LMNTD1: variants seen among roughly 807,000 people sequenced by gnomAD.
The protein encoded by LMNTD1 is lamin tail domain containing 1.
Under a neutral mutation model 50.9 loss-of-function variants are expected in LMNTD1, and 35 were observed. The observed-to-expected ratio is 0.69, with a 90% CI of 0.53 to 0.91. The LOEUF is 0.91. Among genes scored for constraint, LMNTD1 ranks in the 40% least tolerant of loss-of-function variants. The pLI is 0.00. For synonymous variants in LMNTD1, 153 were observed against 161.9 expected (o/e 0.94, Z 0.42); for missense variants, 470 against 475.5 (o/e 0.99, Z 0.11).
chr12:25,527,992 TTGTAATCCCTGACAGGG>T (rs1307570906), intron 4 of LMNTD1, among the ~76,000 whole-genome samples: 1 of 152,032 alleles, frequency 6.6e-6, no homozygotes, highest in Non-Finnish European at 1.5e-5. Context: ...TTTGATACTT[TTGTAATCCCTGACAGGG>T]TGTTATATGA....
intron 1 of LMNTD1, among the ~76,000 whole-genome samples, chr12:25,585,523 C>T (rs188311302): frequency 2.0e-4 from 30 of 152,304 alleles, no homozygotes; most frequent in Non-Finnish European, 3.5e-4. Flanking sequence ...CACATGTAGG[C>T]TTATGCACAT....
At chr12:25,582,904 G>A (rs1232715276) in intron 1 of LMNTD1, among the ~76,000 whole-genome samples, 2 of 152,142 alleles carry the variant, frequency 1.3e-5, no homozygotes, top group African/African-American at 4.8e-5. Flanking sequence ...CTGGAGTGCA[G>A]TAGCACGATC....
intron 8 of LMNTD1, among the ~76,000 whole-genome samples, chr12:25,511,919 C>G (rs1352627): frequency 3.3e-5 from 5 of 152,180 alleles, no homozygotes; most frequent in South Asian, 4.1e-4. Flanking sequence ...CTTTGCCCCC[C>G]CTCTTTTCAA....
intron 1 of LMNTD1, among the ~76,000 whole-genome samples, chr12:25,609,905 A>G (rs984777147): frequency 5.9e-5 from 9 of 152,204 alleles, no homozygotes; most frequent in African/African-American, 1.9e-4. Context: ...TTAAGTCTGC[A>G]GAAGTTTCTG....
At chr12:25,492,705 G>A (rs994183701) in intron 9 of LMNTD1, among the ~76,000 whole-genome samples, 2 of 152,076 alleles carry the variant, frequency 1.3e-5, no homozygotes, top group Non-Finnish European at 2.9e-5. Flanking sequence ...GATTGAAAAG[G>A]TTGAGGTTTC....
intron 9 of LMNTD1, among the ~76,000 whole-genome samples, chr12:25,477,201 A>C (rs1395562736): frequency 1.3e-5 from 2 of 152,232 alleles, no homozygotes; most frequent in African/African-American, 4.8e-5. Flanking sequence ...GAAGTTTGTC[A>C]ATGAAGAGAG....
chr12:25,509,173 T>A (rs1232316560), intron 8 of LMNTD1, among the ~76,000 whole-genome samples: 3 of 152,242 alleles, frequency 2.0e-5, no homozygotes, highest in Non-Finnish European at 2.9e-5. Flanking sequence ...AATGGCGTGA[T>A]CTCGGCTCAC....
chr12:25,548,017 T>C (rs1033853169), intron 3 of LMNTD1, among the ~76,000 whole-genome samples: 1 of 151,784 alleles, frequency 6.6e-6, no homozygotes, highest in Non-Finnish European at 1.5e-5. Context: ...ATAGAACATA[T>C]GCCATGATGA....
chr12:25,528,633 A>G (rs12581474), intron 4 of LMNTD1, among the ~76,000 whole-genome samples: 26,644 of 152,108 alleles, frequency 0.18, 2,677 homozygotes, highest in African/African-American at 0.27. Context: ...ATCAGAGAGA[A>G]TAGTGTATTT....
intron 1 of LMNTD1, among the ~76,000 whole-genome samples, chr12:25,640,279 G>C (rs1330267312): frequency 6.6e-6 from 1 of 152,110 alleles, no homozygotes; most frequent in African/African-American, 2.4e-5. Context: ...GGAGGCCAAG[G>C]CGGGCAGATT....
intron 4 of LMNTD1, among the ~76,000 whole-genome samples, chr12:25,536,438 A>G (rs1172883999): frequency 2.0e-5 from 3 of 152,216 alleles, no homozygotes; most frequent in Non-Finnish European, 4.4e-5. Flanking sequence ...AAATCACTGG[A>G]ACTGAAAAAT....
chr12:25,610,033 A>G (rs1436538604), intron 1 of LMNTD1, among the ~76,000 whole-genome samples: 1 of 152,008 alleles, frequency 6.6e-6, no homozygotes, highest in African/African-American at 2.4e-5. Context: ...TTGTTTACCT[A>G]CTCAAGCCTC....
At chr12:25,493,095 T>G (rs1938940098) in intron 9 of LMNTD1, among the ~76,000 whole-genome samples, 1 of 152,182 alleles carries the variant, frequency 6.6e-6, no homozygotes, top group Non-Finnish European at 1.5e-5. Context: ...CAAAGAACCC[T>G]CAGGATTTTG....
rs1310226393 is a variant in LMNTD1 at position 25,503,818 on chromosome 12, T to A, written c.1190-18A>T. The A allele has an allele frequency of 4.0e-6, 6 of 1,485,602 alleles. No individual in the cohort carries two copies. The highest frequency in any genetic ancestry group is 1.4e-5 in the African/African-American group (1 of 70,878). The allele number at this position is 1,485,602 out of a possible 1,614,324, so 92.0% of individuals were successfully genotyped here. The stretch of plus-strand genomic sequence containing the variant: ...CTTAGACCCTGAAAATTAAAAAAAA[T>A]AATTAAAAAAAGGAGAGAGGCTAGG... On this transcript the variant is annotated intron_variant, in intron 8 of 9. Transcript: ENST00000458174.
At chr12:25,509,424 T>A (rs1289783990) in intron 8 of LMNTD1, among the ~76,000 whole-genome samples, 2 of 152,258 alleles carry the variant, frequency 1.3e-5, no homozygotes, top group South Asian at 2.1e-4. Flanking sequence ...CTTCTACTAT[T>A]CTTTTAGTTT....
At chr12:25,587,846 AAAG>A (rs1945585296) in intron 1 of LMNTD1, among the ~76,000 whole-genome samples, 1 of 152,208 alleles carries the variant, frequency 6.6e-6, no homozygotes, top group Non-Finnish European at 1.5e-5. Context: ...GTATTTTAGG[AAAG>A]AAGATCAGAA....
chr12:25,568,078 T>C (rs1944633177), intron 1 of LMNTD1, among the ~76,000 whole-genome samples: 1 of 152,148 alleles, frequency 6.6e-6, no homozygotes, highest in South Asian at 2.1e-4. Flanking sequence ...ACCAAAATAC[T>C]GATAGTGATA....
In LMNTD1 at chr12:25,512,179, G is replaced by T. The variant is rs182184132; in HGVS notation, c.1189+6616C>A. On this transcript the variant is annotated intron_variant, in intron 8 of 9. Coordinates refer to ENST00000458174, the MANE Select transcript of LMNTD1 (RefSeq NM_001145728.2). ...ATCAGTATTGTCTTTTGCAACATTT[G>T]CTTTGGTTATATAGGTTTGAAATAC... 6.6e-4 allele frequency among the ~76,000 whole-genome samples: 101 copies of T among 152,266 alleles called. 1 individual carries two copies. Among genetic ancestry groups the T allele is most frequent in the African/African-American group, 2.1e-3 (89 of 41,566 alleles).
At chr12:25,552,640 T>G (rs1030799453) in intron 2 of LMNTD1, among the ~76,000 whole-genome samples, 5 of 149,560 alleles carry the variant, frequency 3.3e-5, no homozygotes, top group Admixed American at 6.7e-5. Flanking sequence ...TCTTATACTA[T>G]GGAGATCTGT....
Sources: allele counts gnomAD v4.1 joint callset (sites outside exome capture counted in the v4.1 genomes callset), GRCh38; gene constraint gnomAD v4.1.1; transcripts MANE v1.5; gene names NCBI Gene and HGNC (gene_info 2026-07-23, HGNC 2026-07-21).